SLC23A2: variants seen among roughly 807,000 people sequenced by gnomAD.
SLC23A2 encodes Na(+)/L-ascorbic acid transporter 2.
In SLC23A2, 36 loss-of-function variants were observed where a neutral mutation model predicts 73.3. That is an observed-to-expected ratio of 0.49 (90% CI 0.38 to 0.65). The LOEUF is 0.65. SLC23A2 is among the 30% of genes least tolerant of loss of function. The pLI, the probability that SLC23A2 is intolerant of heterozygous loss-of-function variation, is 0.00. For synonymous variants in SLC23A2, 343 were observed against 327.3 expected, an observed-to-expected ratio of 1.05 and a Z score of -0.52; for missense variants, 507 against 841.6, an observed-to-expected ratio of 0.60 and a Z score of 4.92.
At chr20:4,982,151 C>G (rs1386903981) in intron 1 of SLC23A2, among the ~76,000 whole-genome samples, 4 of 151,486 alleles carry the variant, frequency 2.6e-5, no homozygotes, top group Non-Finnish European at 5.9e-5. Context: ...TGTATCACCA[C>G]GCCCAGCTAA....
chr20:4,949,663 A>G (rs886729186), intron 2 of SLC23A2, among the ~76,000 whole-genome samples: 1 of 152,128 alleles, frequency 6.6e-6, no homozygotes, highest in Non-Finnish European at 1.5e-5. Context: ...ACAGGCGCGC[A>G]CACACACAGA....
chr20:4,860,636 A>G (rs1467635655), intron 15 of SLC23A2, among the ~76,000 whole-genome samples: 1 of 152,262 alleles, frequency 6.6e-6, no homozygotes, highest in Non-Finnish European at 1.5e-5. Flanking sequence ...TTGTACTTGC[A>G]CATCAATATT....
chr20:4,974,657 T>C (rs2087615786), intron 1 of SLC23A2, among the ~76,000 whole-genome samples: 1 of 152,222 alleles, frequency 6.6e-6, no homozygotes, highest in Non-Finnish European at 1.5e-5. Context: ...ATACTACCCT[T>C]ATATCCTTTA....
chr20:4,894,251 A>G (rs1171885843), intron 6 of SLC23A2, among the ~76,000 whole-genome samples: 1 of 152,036 alleles, frequency 6.6e-6, no homozygotes, highest in Non-Finnish European at 1.5e-5. Context: ...GTAGGGAGGA[A>G]GAGGGAGAGG....
intron 4 of SLC23A2, among the ~76,000 whole-genome samples, chr20:4,909,611 T>C (rs1392909779): frequency 6.6e-6 from 1 of 152,164 alleles, no homozygotes; most frequent in Non-Finnish European, 1.5e-5. Context: ...TGGAGTGCAG[T>C]AGTGCTATCT....
At chr20:4,873,146 C>G (rs1222882358) in intron 11 of SLC23A2, among the ~76,000 whole-genome samples, 1 of 152,220 alleles carries the variant, frequency 6.6e-6, no homozygotes, top group East Asian at 1.9e-4. Flanking sequence ...GAGCAGTCAT[C>G]TTTAACCCAA....
chr20:4,929,028 G>A (rs1368482382), intron 3 of SLC23A2, among the ~76,000 whole-genome samples: 1 of 152,128 alleles, frequency 6.6e-6, no homozygotes, highest in Non-Finnish European at 1.5e-5. Flanking sequence ...GAGACAGGTG[G>A]GTCACTTGAT....
chr20:4,913,338 A>T (rs1932222234), intron 3 of SLC23A2, among the ~76,000 whole-genome samples: 1 of 152,094 alleles, frequency 6.6e-6, no homozygotes, highest in South Asian at 2.1e-4. Flanking sequence ...CTGCACCTAG[A>T]AGGGGAAATG....
chr20:4,889,296 G>T (rs910390341), intron 6 of SLC23A2, among the ~76,000 whole-genome samples: 1 of 151,994 alleles, frequency 6.6e-6, no homozygotes, highest in South Asian at 2.1e-4. Flanking sequence ...GCCACAGGAC[G>T]GACCCAGGAA....
intron 2 of SLC23A2, among the ~76,000 whole-genome samples, chr20:4,943,136 C>CG (rs1439552183): frequency 9.1e-6 from 1 of 110,142 alleles, no homozygotes; most frequent in Non-Finnish European, 1.7e-5. Flanking sequence ...GTACACAGGG[C>CG]GGGGGGTGGG....
intron 3 of SLC23A2, among the ~76,000 whole-genome samples, chr20:4,926,875 A>G (rs939920627): frequency 3.3e-5 from 5 of 152,040 alleles, no homozygotes; most frequent in Non-Finnish European, 5.9e-5. Context: ...ATCTCTAAAG[A>G]TAAGATCCTT....
At chr20:4,973,540 C>A (rs35653337) in intron 1 of SLC23A2, among the ~76,000 whole-genome samples, 2 of 152,128 alleles carry the variant, frequency 1.3e-5, no homozygotes, top group Non-Finnish European at 2.9e-5. Context: ...TGGGAACATG[C>A]AAATACATTT....
intron 8 of SLC23A2, 37 bp downstream of exon 8, chr20:4,884,716 A>G (rs767844817): frequency 1.4e-6 from 2 of 1,465,552 alleles, no homozygotes; most frequent in East Asian, 2.3e-5. Context: ...GAGAAGAAAC[A>G]TGAAGAAGCC....
upstream of SLC23A2, among the ~76,000 whole-genome samples, chr20:5,003,794 C>T (rs1206428343): frequency 6.6e-6 from 1 of 152,158 alleles, no homozygotes; most frequent in Non-Finnish European, 1.5e-5. Context: ...CCCTCAGGCA[C>T]TGTCCCTCCC....
chr20:4,922,922 A>G (rs1482390871), intron 3 of SLC23A2, among the ~76,000 whole-genome samples: 1 of 152,050 alleles, frequency 6.6e-6, no homozygotes, highest in Non-Finnish European at 1.5e-5. Flanking sequence ...AAGAGACTGT[A>G]GCAAGAACCT....
intron 1 of SLC23A2, among the ~76,000 whole-genome samples, chr20:5,006,546 A>G (rs2088193263): frequency 7.4e-6 from 1 of 134,696 alleles, no homozygotes; most frequent in Non-Finnish European, 1.6e-5. Context: ...TGTAAAAGCC[A>G]TTTTATTTAT....
chr20:4,990,704 G>A (rs1245127832), intron 1 of SLC23A2, among the ~76,000 whole-genome samples: 2 of 150,326 alleles, frequency 1.3e-5, no homozygotes, highest in African/African-American at 2.4e-5. Flanking sequence ...AAACAAGGCC[G>A]GGCACAGTGG....
chr20:4,930,194 T>C (rs753898476), intron 3 of SLC23A2, among the ~76,000 whole-genome samples: 2 of 151,910 alleles, frequency 1.3e-5, no homozygotes, highest in African/African-American at 4.8e-5. Flanking sequence ...TGAAGGGAAG[T>C]GAGAGTGAAT....
rs752970321 is a variant in SLC23A2 at position 4,932,448 on chromosome 20, T to C, written c.108+7A>G. 6.9e-7 allele frequency: 1 copy of C among 1,445,102 alleles called. No individual in the cohort carries two copies. Among genetic ancestry groups the C allele is most frequent in the Non-Finnish European group, 9.8e-7 (1 of 1,025,528 alleles). The allele number at this position is 1,445,102 out of a possible 1,614,324, so 89.5% of individuals were successfully genotyped here. A position where few individuals can be genotyped will look rare whatever the true frequency, so the allele number is the denominator to read the frequency against. On this transcript the variant is annotated splice_region_variant and intron_variant, in intron 3 of 16. Coordinates refer to ENST00000338244, the MANE Select transcript of SLC23A2 (RefSeq NM_005116.6). ...ATTTAAGAAAGGAAGATGGGGAATA[T>C]GATTACCGGAAGAGTGAAGAAAGCT...
Sources: allele counts gnomAD v4.1 joint callset (sites outside exome capture counted in the v4.1 genomes callset), GRCh38; gene constraint gnomAD v4.1.1; transcripts MANE v1.5; gene names NCBI Gene and HGNC (gene_info 2026-07-23, HGNC 2026-07-21).